Variants in RYR2 observed in about 807,000 individuals in gnomAD.
RYR2 encodes ryanodine receptor 2.
In RYR2, 227 loss-of-function variants were observed where a neutral mutation model predicts 601.1. That is an observed-to-expected ratio of 0.38 (90% CI 0.34 to 0.42). The LOEUF (loss-of-function observed/expected upper bound fraction) is 0.42, where lower values mean the gene tolerates loss of function less well. Ranked by LOEUF, RYR2 falls within the 10% of genes least tolerant of loss-of-function variation. RYR2 has a pLI of 1.00. For synonymous variants in RYR2, 2,223 were observed against 2,175.1 expected (o/e 1.02, Z -0.61); for missense variants, 4,646 against 6,156.5 (o/e 0.75, Z 8.21).
chr1:237,099,669 C>T (rs72764038), intron 1 of RYR2, among the ~76,000 whole-genome samples: 3 of 152,232 alleles, frequency 2.0e-5, no homozygotes, highest in African/African-American at 4.8e-5. Flanking sequence ...TACCACATGC[C>T]GCATGGCAGA....
chr1:237,072,635 C>A (rs968921209), intron 1 of RYR2, among the ~76,000 whole-genome samples: 1 of 152,112 alleles, frequency 6.6e-6, no homozygotes, highest in Non-Finnish European at 1.5e-5. Flanking sequence ...TAAAAAAAAT[C>A]TTTTAGTGTT....
chr1:237,572,954 AG>A (rs1180246194), intron 29 of RYR2, among the ~76,000 whole-genome samples: 5 of 152,146 alleles, frequency 3.3e-5, no homozygotes, highest in Non-Finnish European at 2.9e-5. Context: ...TAGAGCTCAA[AG>A]GATCCAGTTT....
intron 2 of RYR2, among the ~76,000 whole-genome samples, chr1:237,308,771 C>T (rs1367067285): frequency 6.6e-6 from 1 of 152,222 alleles, no homozygotes; most frequent in African/African-American, 2.4e-5. Context: ...AGCTTCTACA[C>T]CGTGGAAAGG....
chr1:237,066,100 A>G (rs9428370), intron 1 of RYR2, among the ~76,000 whole-genome samples: 117,850 of 152,172 alleles, frequency 0.77, 46,211 homozygotes, highest in East Asian at 0.99. Context: ...ATTGAATGAT[A>G]CAATAGGTGA....
chr1:237,680,071 A>G (rs1374589967), intron 61 of RYR2, among the ~76,000 whole-genome samples: 3 of 152,248 alleles, frequency 2.0e-5, no homozygotes, highest in Non-Finnish European at 4.4e-5. Flanking sequence ...GGATGATGGC[A>G]TCTACCCTAC....
At chr1:237,705,415 T>A in intron 67 of RYR2, 72 bp downstream of exon 67, 2 of 1,198,324 alleles carry the variant, frequency 1.7e-6, no homozygotes, top group Non-Finnish European at 2.3e-6. Flanking sequence ...TGTCCAATAG[T>A]GATTTTTAAT....
chr1:237,738,610 A>T (rs1459730095), intron 79 of RYR2, among the ~76,000 whole-genome samples: 1 of 152,058 alleles, frequency 6.6e-6, no homozygotes. Context: ...GCTGTGTGTA[A>T]TATTTTGGGC....
chr1:237,501,956 C>T (rs1035622251), intron 21 of RYR2, among the ~76,000 whole-genome samples: 3 of 152,144 alleles, frequency 2.0e-5, no homozygotes, highest in Non-Finnish European at 2.9e-5. Flanking sequence ...GCCTGGTCAA[C>T]ACAGTGAGAC....
intron 80 of RYR2, among the ~76,000 whole-genome samples, chr1:237,742,762 G>A (rs1691725814): frequency 6.6e-6 from 1 of 152,298 alleles, no homozygotes; most frequent in East Asian, 1.9e-4. Flanking sequence ...TGGCCTTAAA[G>A]ACTTCTGCCC....
chr1:237,157,631 G>A (rs1675548728), intron 1 of RYR2, among the ~76,000 whole-genome samples: 1 of 152,170 alleles, frequency 6.6e-6, no homozygotes, highest in Non-Finnish European at 1.5e-5. Flanking sequence ...AAAGAAGCCA[G>A]GCAGAGAAAG....
At chr1:237,575,339 G>A (rs1170353791) in intron 29 of RYR2, among the ~76,000 whole-genome samples, 3 of 152,106 alleles carry the variant, frequency 2.0e-5, no homozygotes, top group African/African-American at 7.2e-5. Flanking sequence ...CACATCTATG[G>A]TCTACTGCAT....
At chr1:237,749,988 A>G (rs1211776593) in intron 80 of RYR2, among the ~76,000 whole-genome samples, 1 of 152,038 alleles carries the variant, frequency 6.6e-6, no homozygotes, top group Non-Finnish European at 1.5e-5. Context: ...TCTGCTAAAA[A>G]TACAAAAATT....
chr1:237,473,703 T>C (rs542898930), intron 17 of RYR2, among the ~76,000 whole-genome samples: 2 of 152,122 alleles, frequency 1.3e-5, no homozygotes, highest in South Asian at 4.2e-4. Flanking sequence ...GCTCCTGCCA[T>C]TTCTCCTTTC....
chr1:237,650,087 T>G lies in RYR2; in HGVS notation c.7723T>G (p.Ser2575Ala). Residue 2575 changes from serine to alanine, a missense_variant, in exon 50 of 105, where the codon TCT (serine) becomes GCT (alanine). Around this residue, in one of 17 missense-constraint regions of RYR2, gnomAD observed 1,497 missense variants for 1,842.6 expected, o/e 0.81. Transcript: ENST00000366574. ...GGATTCCATAGAAGTTTGTTTACTCTCTATTTGTGGGTGAGTGGATAACAA... is the reference window on the plus strand; with the variant it reads ...GGATTCCATAGAAGTTTGTTTACTCGCTATTTGTGGGTGAGTGGATAACAA... ...QRDSIEVCLL[S>A]ICGQLRPSMM... 6.2e-7 allele frequency: 1 copy of G among 1,613,748 alleles called. No homozygotes were observed.
rs1553465107 is a variant in RYR2, at chr1:237,474,284, C to CAT, written c.1708+5109_1708+5110dup. ...ATAGATACCTACACACACACACACA[C>CAT]ATATATATATATACACACACACACA... On this transcript the variant is annotated intron_variant, in intron 17 of 104. Transcript: ENST00000366574. Among the ~76,000 whole-genome samples, 274 of 48,612 alleles carry CAT rather than the reference C, an allele frequency of 5.6e-3. 4 individuals carry two copies. In the South Asian group the frequency reaches 0.066, roughly 12 times the overall value. 31.9% of individuals were successfully genotyped at this position (48,612 alleles called of 152,430 possible).
At chr1:237,249,739 T>C (rs1687262592) in intron 1 of RYR2, among the ~76,000 whole-genome samples, 1 of 152,204 alleles carries the variant, frequency 6.6e-6, no homozygotes, top group Non-Finnish European at 1.5e-5. Flanking sequence ...GCTTCCTTTA[T>C]TTTTGTGCTT....
At chr1:237,370,736 C>A (rs902660403) in intron 6 of RYR2, among the ~76,000 whole-genome samples, 1 of 150,840 alleles carries the variant, frequency 6.6e-6, no homozygotes, top group East Asian at 2.0e-4. Flanking sequence ...TCTCGGCTCA[C>A]TGCAAGCTCC....
intron 79 of RYR2, among the ~76,000 whole-genome samples, chr1:237,734,070 G>C (rs1488568279): frequency 6.6e-6 from 1 of 152,176 alleles, no homozygotes; most frequent in Non-Finnish European, 1.5e-5. Flanking sequence ...TGATGGGGAA[G>C]ATAAAGTTTA....
intron 29 of RYR2, among the ~76,000 whole-genome samples, chr1:237,574,479 CTCAT>C (rs1165736143): frequency 6.6e-6 from 1 of 152,188 alleles, no homozygotes; most frequent in African/African-American, 2.4e-5. Flanking sequence ...TGGGATATCA[CTCAT>C]GATTAGGTCA....
Sources: gnomAD v4.1 joint callset for allele counts (sites outside exome capture counted in the v4.1 genomes callset) on GRCh38, gnomAD v4.1.1 for gene constraint, gnomAD v4.1.1 regional missense constraint, MANE v1.5 for transcripts, NCBI Gene and HGNC (gene_info 2026-07-23, HGNC 2026-07-21) for gene names.